The following PDE8B variants were observed in gnomAD, a reference collection of about 807,000 sequenced individuals.
PDE8B encodes high affinity cAMP-specific and IBMX-insensitive 3',5'-cyclic phosphodiesterase 8B.
A neutral mutation model predicts 101.3 loss-of-function variants in PDE8B; 26 were observed. The observed-to-expected ratio is 0.26, with a 90% CI of 0.19 to 0.36. The LOEUF is 0.36. PDE8B is among the 10% of genes least tolerant of loss of function. The pLI, the probability that PDE8B is intolerant of heterozygous loss-of-function variation, is 1.00. For synonymous variants in PDE8B, 424 were observed against 429.3 expected (o/e 0.99, Z 0.15); for missense variants, 810 against 1,163.1 (o/e 0.70, Z 4.42).
intron 1 of PDE8B, among the ~76,000 whole-genome samples, chr5:77,221,704 A>T: frequency 6.6e-6 from 1 of 152,192 alleles, no homozygotes; most frequent in East Asian, 1.9e-4. Flanking sequence ...CTAAGGTGAC[A>T]GGAGTTCTTT....
Position 77,419,778 on chromosome 5 carries a change from G to A in PDE8B, c.2141G>A (p.Arg714Gln), listed in dbSNP as rs1796257070. The A allele has an allele frequency of 1.1e-5, 18 of 1,613,926 alleles. No homozygotes were observed. The highest frequency in any genetic ancestry group is 1.5e-5 in the Non-Finnish European group (18 of 1,179,932). Residue 714 changes from arginine to glutamine, a missense_variant, in exon 19 of 22, where the codon CGA becomes CAA. Coordinates refer to ENST00000264917, the MANE Select transcript of PDE8B (RefSeq NM_003719.5). ...TGTGGTTATTTTAGGAACCATTATC[G>A]AACGCTGCGCCAGGCTATTATTGAC... ...IFKNIDRNHY[R>Q]TLRQAIIDMV...
intron 1 of PDE8B, among the ~76,000 whole-genome samples, chr5:77,252,054 T>A (rs1437535929): frequency 6.6e-6 from 1 of 152,196 alleles, no homozygotes. Context: ...CTCATGAATC[T>A]GGTTATCCTT....
At chr5:77,402,970 T>C (rs934591550) in intron 11 of PDE8B, among the ~76,000 whole-genome samples, 2 of 152,232 alleles carry the variant, frequency 1.3e-5, no homozygotes, top group African/African-American at 2.4e-5. Context: ...TGATCACTTA[T>C]TGGCATCTGA....
intron 1 of PDE8B, among the ~76,000 whole-genome samples, chr5:77,236,067 G>C (rs1012120576): frequency 6.6e-6 from 1 of 152,194 alleles, no homozygotes. Context: ...TGCCAGAGAG[G>C]ATATTCTGGA....
the PDE8B span, among the ~76,000 whole-genome samples, chr5:77,136,235 G>A: frequency 2.6e-5 from 4 of 152,098 alleles, no homozygotes; most frequent in African/African-American, 4.8e-5. Flanking sequence ...TCTTTGAAGT[G>A]TTTATTTATT....
the PDE8B span, among the ~76,000 whole-genome samples, chr5:77,160,096 G>T: frequency 1.3e-5 from 2 of 152,042 alleles, no homozygotes; most frequent in African/African-American, 4.8e-5. Context: ...CTTCATCTAG[G>T]CATCCTGTTA....
chr5:77,168,279 C>T, the PDE8B span, among the ~76,000 whole-genome samples: 1 of 152,364 alleles, frequency 6.6e-6, no homozygotes, highest in East Asian at 1.9e-4. Context: ...GAGCTGGAAG[C>T]ATCCAGTTGC....
At chr5:77,268,152 T>G (rs566615429) in intron 1 of PDE8B, among the ~76,000 whole-genome samples, 1 of 152,288 alleles carries the variant, frequency 6.6e-6, no homozygotes, top group East Asian at 1.9e-4. Flanking sequence ...CTTCATTTGT[T>G]TTTGTATTCT....
At chr5:77,335,455 A>C (rs575854597) in intron 5 of PDE8B, among the ~76,000 whole-genome samples, 3 of 152,136 alleles carry the variant, frequency 2.0e-5, no homozygotes, top group African/African-American at 4.8e-5. Flanking sequence ...ATTGTGGAGG[A>C]CCAGAGGCCC....
At chr5:77,319,195 T>C (rs570119066) in intron 2 of PDE8B, among the ~76,000 whole-genome samples, 1 of 152,356 alleles carries the variant, frequency 6.6e-6, no homozygotes, top group African/African-American at 2.4e-5. Context: ...AACAACATGT[T>C]TCAAATTGCG....
intron 2 of PDE8B, 81 bp downstream of exon 2, chr5:77,312,134 CCTT>C (rs1772808464): frequency 7.6e-6 from 7 of 918,016 alleles, no homozygotes; most frequent in Non-Finnish European, 1.2e-5. Context: ...GATGGAGCCT[CCTT>C]CTGTTGCCCA....
intron 1 of PDE8B, among the ~76,000 whole-genome samples, chr5:77,235,071 T>C (rs1754394605): frequency 6.6e-6 from 1 of 152,156 alleles, no homozygotes; most frequent in Non-Finnish European, 1.5e-5. Context: ...ATGGCCGTCA[T>C]CTCACAGAGC....
intron 10 of PDE8B, among the ~76,000 whole-genome samples, chr5:77,386,929 T>C (rs1191240363): frequency 1.7e-5 from 2 of 121,070 alleles, no homozygotes; most frequent in East Asian, 5.8e-4. Flanking sequence ...CAGGCCGGAC[T>C]GCGGACTGCA....
At position 77,380,604 on chromosome 5, in the gene PDE8B, G is replaced by A. The variant is rs569223937; in HGVS notation, c.1168-19644G>A. ...ATAACAGTGTTTTCACCAGAGCTAT[G>A]AGGCAAACAGCCTGGTCAATCTCAA... On this transcript the variant is annotated intron_variant, in intron 10 of 21. Coordinates refer to ENST00000264917, the MANE Select transcript of PDE8B (RefSeq NM_003719.5). Among the ~76,000 whole-genome samples, 4 of 152,344 alleles carry A rather than the reference G, an allele frequency of 2.6e-5. No individual in the cohort carries two copies. The South Asian group carries it at 8.3e-4, about 32-fold the overall frequency.
chr5:77,378,290 C>G (rs989384436), intron 10 of PDE8B, among the ~76,000 whole-genome samples: 3 of 151,516 alleles, frequency 2.0e-5, no homozygotes, highest in Admixed American at 6.6e-5. Flanking sequence ...GAAACCCTGT[C>G]TCTACTAAAA....
At chr5:77,321,620 T>C (rs549254272) in intron 2 of PDE8B, among the ~76,000 whole-genome samples, 40 of 152,312 alleles carry the variant, frequency 2.6e-4, no homozygotes, top group Non-Finnish European at 5.3e-4. Context: ...CTGGAGAAGG[T>C]ATTATTTTTA....
intron 7 of PDE8B, 39 bp downstream of exon 7, chr5:77,344,970 T>A (rs1365285301): frequency 7.3e-7 from 1 of 1,371,978 alleles, no homozygotes; most frequent in Non-Finnish European, 1.0e-6. Context: ...ACATTCAAAA[T>A]GAACCTTTCA....
chr5:77,221,129 A>G (rs1751013419), intron 1 of PDE8B, among the ~76,000 whole-genome samples: 1 of 152,256 alleles, frequency 6.6e-6, no homozygotes, highest in Non-Finnish European at 1.5e-5. Context: ...TACCAAAAAT[A>G]TGACAACTTA....
chr5:77,102,728 G>A, the PDE8B span, among the ~76,000 whole-genome samples: 1 of 152,168 alleles, frequency 6.6e-6, no homozygotes, highest in Non-Finnish European at 1.5e-5. Flanking sequence ...AAACAATCTG[G>A]TCTGGAGAGT....
Sources: allele counts gnomAD v4.1 joint callset (sites outside exome capture counted in the v4.1 genomes callset), GRCh38; gene constraint gnomAD v4.1.1; transcripts MANE v1.5; gene names NCBI Gene and HGNC (gene_info 2026-07-23, HGNC 2026-07-21).